GTF2E1: variants seen among roughly 807,000 people sequenced by gnomAD.
The protein encoded by GTF2E1 is general transcription factor IIE subunit 1.
In GTF2E1, 14 loss-of-function variants were observed where a neutral mutation model predicts 34.9. The ratio of observed to expected loss-of-function variants is 0.40; its 90% CI spans 0.27 to 0.63. GTF2E1 has a LOEUF of 0.63. GTF2E1 is among the 20% of genes least tolerant of loss of function. The pLI is 0.39. For synonymous variants in GTF2E1, 188 were observed against 192.9 expected (o/e 0.97, Z 0.21); for missense variants, 469 against 557.7 (o/e 0.84, Z 1.60).
At chr3:120,778,393 A>G (rs945410005) in intron 4 of GTF2E1, among the ~76,000 whole-genome samples, 11 of 152,298 alleles carry the variant, frequency 7.2e-5, no homozygotes, top group East Asian at 3.9e-4. Context: ...TATCCAGTGA[A>G]TGTATGAAGT....
intron 1 of GTF2E1, among the ~76,000 whole-genome samples, chr3:120,743,779 C>T (rs1442109993): frequency 6.6e-6 from 1 of 152,156 alleles, no homozygotes; most frequent in Non-Finnish European, 1.5e-5. Context: ...ACATGTGGCT[C>T]ATGGAATTGA....
chr3:120,779,724 A>G (rs1437253804), intron 4 of GTF2E1, among the ~76,000 whole-genome samples: 1 of 152,232 alleles, frequency 6.6e-6, no homozygotes, highest in African/African-American at 2.4e-5. Flanking sequence ...CATTCTAGAC[A>G]CTTCACAGAC....
chr3:120,749,061 T>C (rs1468374574), intron 1 of GTF2E1, among the ~76,000 whole-genome samples: 2 of 152,234 alleles, frequency 1.3e-5, no homozygotes, highest in East Asian at 1.9e-4. Context: ...TTGTCTGTTA[T>C]TGGTGTATAA....
At chr3:120,768,265 A>G (rs934314015) in intron 2 of GTF2E1, among the ~76,000 whole-genome samples, 1 of 152,206 alleles carries the variant, frequency 6.6e-6, no homozygotes, top group African/African-American at 2.4e-5. Flanking sequence ...CTTCTGAGTA[A>G]AGAACTGAAG....
intron 2 of GTF2E1, among the ~76,000 whole-genome samples, chr3:120,768,101 A>C (rs928556858): frequency 6.6e-6 from 1 of 152,162 alleles, no homozygotes; most frequent in South Asian, 2.1e-4. Flanking sequence ...TTCGGGTATA[A>C]CATGACTTTT....
intron 4 of GTF2E1, 88 bp downstream of exon 4, chr3:120,776,752 G>T (rs964351142): frequency 4.7e-5 from 56 of 1,190,838 alleles, no homozygotes; most frequent in Non-Finnish European, 5.8e-5. Flanking sequence ...GGCAATTCTG[G>T]ATCTGTTCTA....
chr3:120,750,428 A>C, intron 1 of GTF2E1, 95 bp from the exon 2 acceptor site: 1 of 726,458 alleles, frequency 1.4e-6, no homozygotes, highest in Non-Finnish European at 2.4e-6. Flanking sequence ...AAATCTTTTT[A>C]AACACTTTGG....
intron 2 of GTF2E1, 91 bp downstream of exon 2, chr3:120,751,091 A>G (rs1709161533): frequency 1.3e-6 from 1 of 761,124 alleles, no homozygotes; most frequent in Non-Finnish European, 2.1e-6. Context: ...ACCATCATAT[A>G]TATTATTATA....
intron 2 of GTF2E1, among the ~76,000 whole-genome samples, chr3:120,761,943 A>C (rs1007181807): frequency 5.9e-5 from 9 of 152,052 alleles, no homozygotes; most frequent in African/African-American, 2.2e-4. Flanking sequence ...GGTGCCCACT[A>C]CCACGCCCGG....
intron 2 of GTF2E1, among the ~76,000 whole-genome samples, chr3:120,754,491 C>T (rs898539331): frequency 6.6e-6 from 1 of 152,004 alleles, no homozygotes; most frequent in Non-Finnish European, 1.5e-5. Context: ...TCCTTTTGGG[C>T]ACTTTGGGGG....
chr3:120,742,765 T>C lies in GTF2E1; in HGVS notation c.-60T>C. 1.8e-6 allele frequency: 1 copy of C among 543,996 alleles called. No homozygotes were observed. Among genetic ancestry groups the C allele is most frequent in the Non-Finnish European group, 3.3e-6 (1 of 301,776 alleles). The allele number at this position is 543,996 out of a possible 1,614,324, so 33.7% of individuals were successfully genotyped here. ...CGGTAGTTGAAGCGCTGGGGGCAGCTGTAGTGGGAGTGTTCCAGGATTCGC... is the reference window on the plus strand; with the variant it reads ...CGGTAGTTGAAGCGCTGGGGGCAGCCGTAGTGGGAGTGTTCCAGGATTCGC... On this transcript the variant is annotated 5_prime_UTR_variant, in exon 1 of 5. Transcript: ENST00000283875.
chr3:120,773,858 C>T (rs1440245192), intron 3 of GTF2E1, among the ~76,000 whole-genome samples: 1 of 151,998 alleles, frequency 6.6e-6, no homozygotes, highest in Non-Finnish European at 1.5e-5. Flanking sequence ...AGAATAAAAC[C>T]CATCTTGAAT....
At chr3:120,768,634 A>G (rs554166294) in intron 2 of GTF2E1, among the ~76,000 whole-genome samples, 8 of 152,234 alleles carry the variant, frequency 5.3e-5, no homozygotes, top group East Asian at 1.9e-4. Flanking sequence ...TCAACAGTCA[A>G]TTTAAGTCCC....
At position 120,782,524 on chromosome 3, in the gene GTF2E1, C is replaced by G. The variant is rs1319792325; in HGVS notation, c.*1054C>G. The G allele has an allele frequency of 6.6e-6, 1 of 152,180 alleles. No homozygotes were observed. The highest frequency in any genetic ancestry group is 1.5e-5 in the Non-Finnish European group (1 of 68,040). The allele number at this position is 152,180 out of a possible 1,614,324, so 9.4% of individuals were successfully genotyped here. A position where few individuals can be genotyped will look rare whatever the true frequency, so the allele number is the denominator to read the frequency against. ...CTGTGAAGGGTTGAAGAGTGACAAG[C>G]ATTGGTAACAGTGCCTTAGAACTGT... On this transcript the variant is annotated 3_prime_UTR_variant, in exon 5 of 5. Coordinates refer to ENST00000283875, the MANE Select transcript of GTF2E1 (RefSeq NM_005513.3).
rs1026498751 is a variant in GTF2E1, at chr3:120,782,509, T to G, written c.*1039T>G. 6.6e-6 allele frequency: 1 copy of G among 152,164 alleles called. No individual in the cohort carries two copies. The highest frequency in any genetic ancestry group is 2.4e-5 in the African/African-American group (1 of 41,448). The allele number at this position is 152,164 out of a possible 1,614,324, so 9.4% of individuals were successfully genotyped here. On this transcript the variant is annotated 3_prime_UTR_variant, in exon 5 of 5. Coordinates refer to ENST00000283875, the MANE Select transcript of GTF2E1 (RefSeq NM_005513.3). ...TAAGACAAGAAGTCTCTGTGAAGGG[T>G]TGAAGAGTGACAAGCATTGGTAACA...
chr3:120,762,231 C>T (rs931954183), intron 2 of GTF2E1, among the ~76,000 whole-genome samples: 1 of 152,052 alleles, frequency 6.6e-6, no homozygotes, highest in African/African-American at 2.4e-5. Flanking sequence ...CTGTTAGGTC[C>T]GCTTGGTCTA....
chr3:120,776,023 C>A (rs928730820), intron 3 of GTF2E1, among the ~76,000 whole-genome samples: 2 of 152,118 alleles, frequency 1.3e-5, no homozygotes, highest in Non-Finnish European at 2.9e-5. Context: ...TTTAAAAATA[C>A]AATGTGTTTT....
intron 1 of GTF2E1, among the ~76,000 whole-genome samples, chr3:120,745,764 A>G (rs2107603726): frequency 6.6e-6 from 1 of 152,336 alleles, no homozygotes; most frequent in East Asian, 1.9e-4. Context: ...ACTGTTGAGG[A>G]TGTAAAACAA....
At chr3:120,757,932 G>T (rs559853029) in intron 2 of GTF2E1, among the ~76,000 whole-genome samples, 1 of 152,328 alleles carries the variant, frequency 6.6e-6, no homozygotes, top group South Asian at 2.1e-4. Context: ...GGAGGCCGAG[G>T]TGGGCGGATC....
Sources: allele counts gnomAD v4.1 joint callset (sites outside exome capture counted in the v4.1 genomes callset), GRCh38; gene constraint gnomAD v4.1.1; transcripts MANE v1.5; gene names NCBI Gene and HGNC (gene_info 2026-07-23, HGNC 2026-07-21).